The following CAMK2D variants were observed in gnomAD, a reference collection of about 807,000 sequenced individuals.
CAMK2D encodes calcium/calmodulin-dependent protein kinase type II subunit delta.
CAMK2D carries 37 observed loss-of-function variants against 84.0 expected under a neutral mutation model. The observed-to-expected ratio is 0.44, with a 90% confidence interval of 0.34 to 0.58. CAMK2D has a LOEUF of 0.58. Among genes scored for constraint, CAMK2D ranks in the 20% least tolerant of loss-of-function variants. The probability of loss-of-function intolerance (pLI) is 0.02; values close to 1 mark genes in which losing one functional copy is unlikely to be tolerated. For missense variants in CAMK2D, 448 were observed against 652.5 expected (o/e 0.69, Z 3.41); for synonymous variants, 202 against 212.5 (o/e 0.95, Z 0.43).
At chr4:113,534,057 GAAGA>G (rs2098474540) in intron 7 of CAMK2D, among the ~76,000 whole-genome samples, 2 of 151,974 alleles carry the variant, frequency 1.3e-5, no homozygotes, top group African/African-American at 4.8e-5. Context: ...TCCACATAAT[GAAGA>G]AAGAGTCCTG....
At chr4:113,651,499 G>A (rs926553070) in intron 3 of CAMK2D, among the ~76,000 whole-genome samples, 4 of 152,072 alleles carry the variant, frequency 2.6e-5, no homozygotes, top group Non-Finnish European at 5.9e-5. Context: ...GAACTCTAAA[G>A]TACACTTTCA....
At chr4:113,457,070 A>T in intron 19 of CAMK2D, 1 of 667,104 alleles carries the variant, frequency 1.5e-6, no homozygotes, top group East Asian at 4.0e-5. Context: ...CTCTAGATTT[A>T]ACCCTGTGAG....
At chr4:113,599,220 C>T (rs1011860711) in intron 4 of CAMK2D, among the ~76,000 whole-genome samples, 5 of 152,168 alleles carry the variant, frequency 3.3e-5, no homozygotes, top group African/African-American at 1.2e-4. Flanking sequence ...GCAACAGGAA[C>T]TCTCATTCAT....
chr4:113,682,108 A>C (rs1489944741), intron 2 of CAMK2D, among the ~76,000 whole-genome samples: 1 of 152,174 alleles, frequency 6.6e-6, no homozygotes, highest in Admixed American at 6.5e-5. Context: ...GAAGATGATA[A>C]TGCTGTACAG....
At chr4:113,571,103 T>A (rs976454550) in intron 4 of CAMK2D, among the ~76,000 whole-genome samples, 11 of 151,616 alleles carry the variant, frequency 7.3e-5, no homozygotes, top group Admixed American at 6.5e-5. Flanking sequence ...AAATATCACT[T>A]CACACTTGTT....
rs920920109 is a variant in CAMK2D at position 113,705,265 on chromosome 4, T to C, written c.161-43493A>G. On this transcript the variant is annotated intron_variant, in intron 2 of 20. Coordinates refer to ENST00000511664, the MANE Select transcript of CAMK2D (RefSeq NM_001321571.2). Reference sequence around the variant, plus strand: ...TGTAGTGAACCCAGGAGGCGGAGCTTGCGGTGAGCTGAGATCACCCCACTG... The same window carrying C: ...TGTAGTGAACCCAGGAGGCGGAGCTCGCGGTGAGCTGAGATCACCCCACTG... Among the ~76,000 whole-genome samples, 11 of 147,170 alleles carry C rather than the reference T, an allele frequency of 7.5e-5. 1 individual carries two copies. The highest frequency in any genetic ancestry group is 2.8e-4 in the African/African-American group (11 of 39,266).
chr4:113,631,085 GCTAT>G (rs2154286601), intron 3 of CAMK2D, among the ~76,000 whole-genome samples: 1 of 152,266 alleles, frequency 6.6e-6, no homozygotes, highest in South Asian at 2.1e-4. Flanking sequence ...GAGTCCAGGG[GCTAT>G]CTATTCATTT....
intron 2 of CAMK2D, among the ~76,000 whole-genome samples, chr4:113,729,275 C>A (rs1248283677): frequency 2.0e-5 from 3 of 152,100 alleles, no homozygotes; most frequent in African/African-American, 7.2e-5. Flanking sequence ...TCATGTTATG[C>A]CTCTGCTTAA....
rs563110423 is a variant in CAMK2D, at chr4:113,543,547, A to C, written c.414+4097T>G. On this transcript the variant is annotated intron_variant, in intron 6 of 20. Transcript: ENST00000511664. The stretch of plus-strand genomic sequence containing the variant: ...ACATACATATTTTTACATGATCCTT[A>C]ATTCAATGGCCAGCAGGGTTTCATG... Among the ~76,000 whole-genome samples the C allele has an allele frequency of 2.0e-5, 3 of 152,056 alleles. No homozygotes were observed. The East Asian group carries it at 5.8e-4, about 29-fold the overall frequency.
At chr4:113,743,323 T>C (rs1208646800) in intron 2 of CAMK2D, among the ~76,000 whole-genome samples, 2 of 152,220 alleles carry the variant, frequency 1.3e-5, no homozygotes, top group Non-Finnish European at 2.9e-5. Context: ...TTAAATCTTT[T>C]AAAAATGCCA....
intron 13 of CAMK2D, among the ~76,000 whole-genome samples, chr4:113,506,649 G>A (rs7697831): frequency 0.21 from 31,454 of 152,032 alleles, 3,498 homozygotes; most frequent in Middle Eastern, 0.28. Flanking sequence ...AAACATAGCC[G>A]GCTTCCTGTC....
At chr4:113,528,388 C>G (rs2098436255) in intron 8 of CAMK2D, among the ~76,000 whole-genome samples, 1 of 152,080 alleles carries the variant, frequency 6.6e-6, no homozygotes, top group South Asian at 2.1e-4. Flanking sequence ...AACTGAGAAG[C>G]TAAGTGTGTT....
intron 8 of CAMK2D, among the ~76,000 whole-genome samples, chr4:113,523,823 T>A (rs1363822126): frequency 4.7e-5 from 7 of 148,450 alleles, no homozygotes; most frequent in African/African-American, 5.0e-5. Context: ...AAATAAATAA[T>A]TAGTACATAA....
At chr4:113,652,426 C>T (rs951920300) in intron 3 of CAMK2D, among the ~76,000 whole-genome samples, 1 of 151,970 alleles carries the variant, frequency 6.6e-6, no homozygotes, top group African/African-American at 2.4e-5. Flanking sequence ...AATACAAGTA[C>T]TTACCATAGG....
At chr4:113,580,533 CTTATGATTACTTCCTTAGCTGTAA>C (rs2098803139) in intron 4 of CAMK2D, among the ~76,000 whole-genome samples, 2 of 152,248 alleles carry the variant, frequency 1.3e-5, no homozygotes, top group African/African-American at 4.8e-5. Context: ...CAACAATTAC[CTTATGATTACTTCCTTAGCTGTAA>C]AACATACATA....
intron 2 of CAMK2D, among the ~76,000 whole-genome samples, chr4:113,697,297 T>A (rs2099405749): frequency 6.6e-6 from 1 of 151,960 alleles, no homozygotes; most frequent in Non-Finnish European, 1.5e-5. Flanking sequence ...CAACAGATAA[T>A]CCCTGTGCTT....
chr4:113,567,542 A>C (rs200157337), intron 4 of CAMK2D, among the ~76,000 whole-genome samples: 1 of 152,304 alleles, frequency 6.6e-6, no homozygotes, highest in East Asian at 1.9e-4. Flanking sequence ...ATAAAATTTT[A>C]CATTTCTAAG....
intron 2 of CAMK2D, among the ~76,000 whole-genome samples, chr4:113,680,228 T>A (rs2099338361): frequency 6.6e-6 from 1 of 152,166 alleles, no homozygotes; most frequent in Non-Finnish European, 1.5e-5. Context: ...AGAAGACCTG[T>A]AAGATTTTAT....
In CAMK2D at chr4:113,581,551, A is replaced by AAAGAG. The variant is rs1182028283; in HGVS notation, c.275+27600_275+27601insCTCTT. ...AAAAAAAAGAAAAGAAAAGAAAAGA[A>AAAGAG]AAAGACCAGGCTATGTGTTAACTTA... On this transcript the variant is annotated intron_variant, in intron 4 of 20. Transcript: ENST00000511664. 3.3e-5 allele frequency among the ~76,000 whole-genome samples: 5 copies of AAAGAG among 151,704 alleles called. No individual in the cohort carries two copies. The South Asian group carries it at 8.3e-4, about 25-fold the overall frequency.
Sources: gnomAD v4.1 joint callset for allele counts (sites outside exome capture counted in the v4.1 genomes callset) on GRCh38, gnomAD v4.1.1 for gene constraint, MANE v1.5 for transcripts, NCBI Gene and HGNC (gene_info 2026-07-23, HGNC 2026-07-21) for gene names.